TNK2: variants seen among roughly 807,000 people sequenced by gnomAD.
TNK2 encodes activated CDC42 kinase 1.
In TNK2, 83 loss-of-function variants were observed where a neutral mutation model predicts 101.8. The observed-to-expected ratio is 0.82, with a 90% CI of 0.68 to 0.98. The LOEUF is 0.98. Ranked by LOEUF, TNK2 falls within the 50% of genes least tolerant of loss-of-function variation. TNK2 has a pLI of 0.00. For synonymous variants in TNK2, 804 were observed against 633.0 expected (o/e 1.27, Z -4.06); for missense variants, 1,665 against 1,483.2 (o/e 1.12, Z -2.01).
At chr3:195,870,036 T>G (rs2278034) in intron 11 of TNK2, 78 bp downstream of exon 11, 2 of 1,107,812 alleles carry the variant, frequency 1.8e-6, no homozygotes, top group South Asian at 3.4e-5. Flanking sequence ...ACAGCAGCCT[T>G]AGGGTGGCCT....
At chr3:195,873,353 AG>A (rs1447348475) in intron 9 of TNK2, among the ~76,000 whole-genome samples, 11 of 152,180 alleles carry the variant, frequency 7.2e-5, no homozygotes, top group African/African-American at 2.7e-4. Context: ...AGGCTCTCAC[AG>A]GTTGTGAGGC....
chr3:195,902,662 C>A (rs1441261183), intron 1 of TNK2, among the ~76,000 whole-genome samples: 12 of 120,298 alleles, frequency 1.0e-4, no homozygotes, highest in Non-Finnish European at 8.9e-5. Flanking sequence ...AAAAAAAAAA[C>A]ACCTCTCAGC....
chr3:195,886,577 A>G lies in TNK2; in HGVS notation c.234+400T>C, dbSNP rs944850041. Reference sequence around the variant, plus strand: ...ATGACCAGAGAAACCCAGAGATTAGAGAGGGTCAGGGAGGAGGGAAGCCAA... The same window carrying G: ...ATGACCAGAGAAACCCAGAGATTAGGGAGGGTCAGGGAGGAGGGAAGCCAA... On this transcript the variant is annotated intron_variant, in intron 3 of 15. Coordinates refer to ENST00000672887, the MANE Select transcript of TNK2 (RefSeq NM_001382273.1). The surrounding 1 kb of genome is among the most constrained non-coding windows in gnomAD (Gnocchi z 4.2). Among the ~76,000 whole-genome samples, 8 of 152,070 alleles carry G rather than the reference A, an allele frequency of 5.3e-5. No homozygotes were observed. Among genetic ancestry groups the G allele is most frequent in the South Asian group, 2.1e-4 (1 of 4,818 alleles).
At chr3:195,903,309 G>C (rs988905093) in intron 1 of TNK2, among the ~76,000 whole-genome samples, 12 of 151,424 alleles carry the variant, frequency 7.9e-5, no homozygotes, top group African/African-American at 2.9e-4. Flanking sequence ...CAAAGTATTG[G>C]GATTACAGGC....
rs1211190409 is a variant in TNK2 at position 195,888,206 on chromosome 3, G to A, written c.163+220C>T. Among the ~76,000 whole-genome samples, 1 of 152,112 alleles carries A rather than the reference G, an allele frequency of 6.6e-6. No homozygotes were observed. The highest frequency in any genetic ancestry group is 1.5e-5 in the Non-Finnish European group (1 of 67,994). ...CACAACGGGGCATGGAGTGACTCCT[G>A]TGTAGCCAGCTTTAGGGAAGGCCTC... On this transcript the variant is annotated intron_variant, in intron 2 of 15. Coordinates refer to ENST00000672887, the MANE Select transcript of TNK2 (RefSeq NM_001382273.1). This position sits in a 1 kb window ranked among gnomAD's most constrained non-coding sequence, Gnocchi z 5.3.
chr3:195,895,481 G>T, intron 1 of TNK2: 1 of 1,366,692 alleles, frequency 7.3e-7, no homozygotes, highest in Non-Finnish European at 9.4e-7. Flanking sequence ...ATCGGCCGGC[G>T]GCCGGGTGGT....
rs149178487 is a variant in TNK2 at position 195,867,182 on chromosome 3, G to A, written c.3020C>T (p.Ala1007Val). ...AGGTGGCGGTACCTTCAGATACTGG[G>A]CAGCCCTCTGCACGCTCCAGCCGTG... ...QCHGWSVQRAAQYLKVEQLFG... is the reference protein window; with the variant it reads ...QCHGWSVQRAVQYLKVEQLFG... The change falls in exon 14 of 16, where the codon GCC (alanine) becomes GTC (valine). Residue 1007 changes from alanine to valine, a missense_variant. Physicochemically the swap from Ala to Val is moderately conservative, Grantham distance 64 (BLOSUM62 0). Transcript: ENST00000672887. The A allele has an allele frequency of 2.0e-5, 33 of 1,612,782 alleles. No individual in the cohort carries two copies. The highest frequency in any genetic ancestry group is 2.7e-5 in the Non-Finnish European group (32 of 1,179,908).
chr3:195,895,231 A>G (rs1235521751), intron 1 of TNK2: 9 of 1,525,874 alleles, frequency 5.9e-6, no homozygotes, highest in Non-Finnish European at 7.9e-6. Context: ...GCTATCCCCT[A>G]GCCTTCCCCA....
At chr3:195,887,943 CGTGTGTGCCTGCGTGTGT>C (rs1756770050) in intron 2 of TNK2, among the ~76,000 whole-genome samples, 1 of 110,716 alleles carries the variant, frequency 9.0e-6, no homozygotes, top group Non-Finnish European at 1.8e-5. Flanking sequence ...TGCGCATGTG[CGTGTGTGCCTGCGTGTGT>C]GTGTGTGTGT....
Position 195,878,433 on chromosome 3 carries a change from A to T in TNK2, c.1161+13T>A. ...TGAACACCCCAGCTCTCCTGGGCTGACCTGTCCCTCACCTCCAGCAGGAAG... is the reference window on the plus strand; with the variant it reads ...TGAACACCCCAGCTCTCCTGGGCTGTCCTGTCCCTCACCTCCAGCAGGAAG... On this transcript the variant is annotated intron_variant, in intron 8 of 15. Transcript: ENST00000672887. The surrounding 1 kb of genome is among the most constrained non-coding windows in gnomAD (Gnocchi z 4.7). 2 of 1,613,870 alleles carry T rather than the reference A, an allele frequency of 1.2e-6. No homozygotes were observed. The highest frequency in any genetic ancestry group is 1.7e-6 in the Non-Finnish European group (2 of 1,179,936).
intron 10 of TNK2, among the ~76,000 whole-genome samples, chr3:195,871,750 C>G (rs574449704): frequency 2.6e-5 from 4 of 152,214 alleles, no homozygotes; most frequent in Non-Finnish European, 5.9e-5. Flanking sequence ...TCTCAGGACC[C>G]CTGCATCTGA....
chr3:195,887,140 T>A, intron 2 of TNK2, 93 bp from the exon 3 acceptor site: 3 of 1,257,622 alleles, frequency 2.4e-6, no homozygotes, highest in South Asian at 1.3e-5. Flanking sequence ...AGCCTGTCAC[T>A]AGACACCGCC....
At chr3:195,893,700 A>G (rs962375152) in intron 1 of TNK2, among the ~76,000 whole-genome samples, 36 of 151,524 alleles carry the variant, frequency 2.4e-4, no homozygotes, top group African/African-American at 8.5e-4. Flanking sequence ...CCAGCTCCCC[A>G]GGCACCCCCC....
At chr3:195,892,404 C>T (rs558958502) in intron 1 of TNK2, 45 of 1,529,838 alleles carry the variant, frequency 2.9e-5, no homozygotes, top group Non-Finnish European at 3.3e-5. Context: ...CCCTGCCCCC[C>T]ACTCACTGTG....
rs150315065 is a variant in TNK2, at chr3:195,894,030, G to A, written c.-18-5424C>T. Reference sequence around the variant, plus strand: ...GCTTGTGGAGATGGCAGGTGTGGATGGAGTGGGGGCTGAGGTCAGGTGGAC... The same window carrying A: ...GCTTGTGGAGATGGCAGGTGTGGATAGAGTGGGGGCTGAGGTCAGGTGGAC... On this transcript the variant is annotated intron_variant, in intron 1 of 15. Coordinates refer to ENST00000672887, the MANE Select transcript of TNK2 (RefSeq NM_001382273.1). Among the ~76,000 whole-genome samples the A allele has an allele frequency of 2.2e-3, 328 of 152,136 alleles. 2 individuals are homozygous for A. The highest frequency in any genetic ancestry group is 3.6e-3 in the Non-Finnish European group (245 of 67,980).
intron 9 of TNK2, among the ~76,000 whole-genome samples, chr3:195,873,055 A>C (rs1025751789): frequency 2.0e-5 from 3 of 151,984 alleles, no homozygotes; most frequent in African/African-American, 7.3e-5. Context: ...CACTCGGGCA[A>C]CTCAGTCCCT....
rs1471634408 is a variant in TNK2 at position 195,884,794 on chromosome 3, A to G, written c.456+18T>C. On this transcript the variant is annotated intron_variant, in intron 4 of 15. Transcript: ENST00000672887. The stretch of plus-strand genomic sequence containing the variant: ...GGTCCCATGCCTCTGCTGCGCTGGC[A>G]GGACACAGAGAGCTCACCGTCTTCC... 1.3e-6 allele frequency: 2 copies of G among 1,595,968 alleles called. No individual in the cohort carries two copies. Among genetic ancestry groups the G allele is most frequent in the African/African-American group, 2.7e-5 (2 of 74,296 alleles).
chr3:195,892,374 C>G (rs1239830360), intron 1 of TNK2: 1 of 1,506,088 alleles, frequency 6.6e-7, no homozygotes. Flanking sequence ...AGGAGCCCAA[C>G]CAGTCCCCAG....
Position 195,879,127 on chromosome 3 carries a change from G to T in TNK2, c.936C>A (p.Asp312Glu). 1 of 1,613,920 alleles carries T rather than the reference G, an allele frequency of 6.2e-7. No individual in the cohort carries two copies. The highest frequency in any genetic ancestry group is 1.1e-5 in the South Asian group (1 of 91,084). ...LKTRTFSHAS[D>E]TWMFGVTLWE... ...ACAGTGTCACCCCGAACATCCAGGT[G>T]TCGCTGGCATGGGAGAAGGTGCGTG... Residue 312 changes from aspartate (D) to glutamate (E), a missense_variant, in exon 7 of 16, where the codon GAC becomes GAA. By Grantham distance (45) the Asp-to-Glu change is conservative. Around this residue, in one of 3 missense-constraint regions of TNK2, gnomAD observed 490 missense variants for 522.5 expected, o/e 0.94. Coordinates refer to ENST00000672887, the MANE Select transcript of TNK2 (RefSeq NM_001382273.1).
Sources: gnomAD v4.1 joint callset for allele counts (sites outside exome capture counted in the v4.1 genomes callset) on GRCh38, gnomAD v4.1.1 for gene constraint, gnomAD v4.1.1 regional missense constraint, Gnocchi (gnomAD v3.1) non-coding constraint, MANE v1.5 for transcripts, NCBI Gene and HGNC (gene_info 2026-07-23, HGNC 2026-07-21) for gene names.